DPEP1: variants seen among roughly 807,000 people sequenced by gnomAD.
The protein encoded by DPEP1 is beta-lactamase.
In DPEP1, 50 loss-of-function variants were observed where a neutral mutation model predicts 42.3. The ratio of observed to expected loss-of-function variants is 1.18; its 90% CI spans 0.94 to 1.50. The LOEUF (loss-of-function observed/expected upper bound fraction) is 1.50, where lower values mean the gene tolerates loss of function less well. Among genes scored for constraint, DPEP1 ranks in the 40% most tolerant of loss-of-function variants. The pLI is 0.00. For synonymous variants in DPEP1, 297 were observed against 234.0 expected, an observed-to-expected ratio of 1.27 and a Z score of -2.46; for missense variants, 663 against 553.0, an observed-to-expected ratio of 1.20 and a Z score of -1.99.
chr16:89,629,550 T>C (rs2059558268), intron 1 of DPEP1, among the ~76,000 whole-genome samples: 1 of 98,660 alleles, frequency 1.0e-5, no homozygotes, highest in East Asian at 2.7e-4. Flanking sequence ...CTCCTGCTCC[T>C]CCCAGCAGGC....
chr16:89,634,462 C>T (rs7198765), intron 2 of DPEP1, among the ~76,000 whole-genome samples: 111 of 152,190 alleles, frequency 7.3e-4, no homozygotes, highest in African/African-American at 2.4e-3. Context: ...CAGCTGGATT[C>T]GGACCCTCTG....
Position 89,637,194 on chromosome 16 carries a change from G to T in DPEP1, c.592-10G>T, listed in dbSNP as rs1231758377. 1 of 1,610,288 alleles carries T rather than the reference G, an allele frequency of 6.2e-7. No homozygotes were observed. Among genetic ancestry groups the T allele is most frequent in the African/African-American group, 1.3e-5 (1 of 74,898 alleles). On this transcript the variant is annotated splice_polypyrimidine_tract_variant and intron_variant, in intron 6 of 10. Transcript: ENST00000690203. ...GGGCTGTGAGGGTGGACGGAGCCCT[G>T]TCTTCCCAGCGTGTGGTGAAGGAGC...
chr16:89,620,168 G>A (rs981910178), intron 1 of DPEP1, among the ~76,000 whole-genome samples: 3 of 152,002 alleles, frequency 2.0e-5, no homozygotes, highest in East Asian at 2.0e-4. Context: ...TGGGGATGGA[G>A]GGAGATCAAC....
At position 89,636,941 on chromosome 16, in the gene DPEP1, T is replaced by C. The variant is rs528898063; in HGVS notation, c.591+6T>C. 412 of 1,611,854 alleles carry C rather than the reference T, an allele frequency of 2.6e-4. 3 individuals are homozygous for C. The South Asian group carries it at 4.3e-3, about 17-fold the overall frequency. On this transcript the variant is annotated splice_donor_region_variant and intron_variant, in intron 6 of 10. Coordinates refer to ENST00000690203, the MANE Select transcript of DPEP1 (RefSeq NM_001389466.1). ...GCTTGTCACCCTTTGGGCAGGTGAG[T>C]GGGGTGGGAGCGGCCAGTCACCCCC...
chr16:89,631,627 G>A (rs985601248), intron 2 of DPEP1, among the ~76,000 whole-genome samples: 12 of 152,140 alleles, frequency 7.9e-5, no homozygotes, highest in Non-Finnish European at 1.2e-4. Flanking sequence ...AGGCCGAGGC[G>A]GGCGGATCAC....
downstream of DPEP1, among the ~76,000 whole-genome samples, chr16:89,638,612 G>C (rs1487966725): frequency 6.6e-6 from 1 of 151,328 alleles, no homozygotes; most frequent in Admixed American, 6.6e-5. Flanking sequence ...TTTAGGGACA[G>C]TCTAGGCTCC....
chr16:89,635,651 G>C (rs576250440), intron 2 of DPEP1, among the ~76,000 whole-genome samples: 1 of 152,320 alleles, frequency 6.6e-6, no homozygotes, highest in East Asian at 1.9e-4. Context: ...AAAAGGCCCT[G>C]GAAGGGATGG....
At chr16:89,627,704 A>C (rs1259522408) in intron 1 of DPEP1, among the ~76,000 whole-genome samples, 1 of 105,004 alleles carries the variant, frequency 9.5e-6, no homozygotes, top group East Asian at 3.2e-4. Flanking sequence ...TCTGCCACCC[A>C]GGCTGGAGTA....
chr16:89,638,287 A>G lies in DPEP1; in HGVS notation c.*65A>G, dbSNP rs1420371749. 2.7e-6 allele frequency: 4 copies of G among 1,472,014 alleles called. No homozygotes were observed. Among genetic ancestry groups the G allele is most frequent in the African/African-American group, 1.4e-5 (1 of 70,192 alleles). 91.2% of individuals were successfully genotyped at this position (1,472,014 alleles called of 1,614,324 possible). A position where few individuals can be genotyped will look rare whatever the true frequency, so the allele number is the denominator to read the frequency against. On this transcript the variant is annotated 3_prime_UTR_variant, in exon 11 of 11. Coordinates refer to ENST00000690203, the MANE Select transcript of DPEP1 (RefSeq NM_001389466.1). ...TCCGGGAAGACCCGCCCATCCCAGGACTCCAGATGCCAGGAGCCCTGCTGC... is the reference window on the plus strand; with the variant it reads ...TCCGGGAAGACCCGCCCATCCCAGGGCTCCAGATGCCAGGAGCCCTGCTGC...
chr16:89,623,312 C>A (rs1200489152), intron 1 of DPEP1, among the ~76,000 whole-genome samples: 1 of 151,946 alleles, frequency 6.6e-6, no homozygotes, highest in Non-Finnish European at 1.5e-5. Context: ...AATGCTCATG[C>A]CTTCCGGCTT....
At chr16:89,623,006 C>T (rs1191540735) in intron 1 of DPEP1, among the ~76,000 whole-genome samples, 5 of 152,038 alleles carry the variant, frequency 3.3e-5, no homozygotes, top group African/African-American at 4.8e-5. Context: ...GTGAGGAAGA[C>T]GCTGAGGTCG....
At chr16:89,635,759 T>G in intron 2 of DPEP1, 149 bp from the exon 3 acceptor site, 1 of 1,135,388 alleles carries the variant, frequency 8.8e-7, no homozygotes, top group Non-Finnish European at 1.2e-6. Flanking sequence ...AGGTGGCCGG[T>G]GATATGTCAC....
At chr16:89,629,144 T>A (rs2059552643) in intron 1 of DPEP1, among the ~76,000 whole-genome samples, 1 of 152,236 alleles carries the variant, frequency 6.6e-6, no homozygotes, top group Admixed American at 6.5e-5. Flanking sequence ...AGTTTTATAC[T>A]TTGTTCATTA....
chr16:89,630,370 C>A lies in DPEP1; in HGVS notation c.-41C>A. On this transcript the variant is annotated 5_prime_UTR_variant, in exon 2 of 11. Coordinates refer to ENST00000690203, the MANE Select transcript of DPEP1 (RefSeq NM_001389466.1). ...CGGGCCAGCCAGGCCAGCACAGAGG[C>A]ACCAGGGCAGCAGTGCACACAGGTC... 6.5e-7 allele frequency: 1 copy of A among 1,549,096 alleles called. No homozygotes were observed. Among genetic ancestry groups the A allele is most frequent in the Non-Finnish European group, 8.9e-7 (1 of 1,128,050 alleles).
intron 1 of DPEP1, among the ~76,000 whole-genome samples, chr16:89,625,444 C>T (rs1053904276): frequency 6.6e-6 from 1 of 152,212 alleles, no homozygotes; most frequent in Non-Finnish European, 1.5e-5. Flanking sequence ...GACACAAAAC[C>T]TCCCAACTGG....
intron 1 of DPEP1, among the ~76,000 whole-genome samples, chr16:89,622,946 G>T (rs983302381): frequency 5.3e-5 from 8 of 152,082 alleles, no homozygotes; most frequent in African/African-American, 1.9e-4. Context: ...GAGAGACCAG[G>T]GAGCCAGAGA....
chr16:89,621,909 G>C (rs926939086), intron 1 of DPEP1, among the ~76,000 whole-genome samples: 1 of 152,178 alleles, frequency 6.6e-6, no homozygotes, highest in African/African-American at 2.4e-5. Flanking sequence ...GTGGCTGCCT[G>C]TGCAGAAGTG....
At position 89,615,563 on chromosome 16, in the gene DPEP1, G is replaced by A. The variant is rs186791071; in HGVS notation, c.-107+1844G>A. ...AGGGCAGGACACCCATGGAAGCAGT[G>A]GTGGCTCCGAGCACCTGCTCAGCCT... On this transcript the variant is annotated intron_variant, in intron 1 of 10. Coordinates refer to ENST00000690203, the MANE Select transcript of DPEP1 (RefSeq NM_001389466.1). Among the ~76,000 whole-genome samples, 249 of 152,322 alleles carry A rather than the reference G, an allele frequency of 1.6e-3. 1 individual carries two copies. The highest frequency in any genetic ancestry group is 5.7e-3 in the African/African-American group (236 of 41,564).
At chr16:89,638,963 A>C (rs1489598516), downstream of DPEP1, among the ~76,000 whole-genome samples, 49 of 16,614 alleles carry the variant, frequency 2.9e-3, 1 homozygote, top group Non-Finnish European at 4.9e-3. Context: ...ACACACACAC[A>C]CCGCACCCCT....
Sources: gnomAD v4.1 joint callset for allele counts (sites outside exome capture counted in the v4.1 genomes callset) on GRCh38, gnomAD v4.1.1 for gene constraint, MANE v1.5 for transcripts, NCBI Gene and HGNC (gene_info 2026-07-23, HGNC 2026-07-21) for gene names.